The following ADCY8 variants were observed in gnomAD, a reference collection of about 807,000 sequenced individuals.
The protein encoded by ADCY8 is adenylate cyclase 8.
In ADCY8, 51 loss-of-function variants were observed where a neutral mutation model predicts 119.7. That is an observed-to-expected ratio of 0.43 (90% CI 0.34 to 0.54). The LOEUF (loss-of-function observed/expected upper bound fraction) is 0.54, where lower values mean the gene tolerates loss of function less well. ADCY8 is among the 20% of genes least tolerant of loss of function. The pLI is 0.03. For synonymous variants in ADCY8, 665 were observed against 651.0 expected (o/e 1.02, Z -0.33); for missense variants, 1,383 against 1,598.8 (o/e 0.87, Z 2.30).
chr8:130,945,299 G>A (rs1821075530), intron 3 of ADCY8, among the ~76,000 whole-genome samples: 1 of 152,228 alleles, frequency 6.6e-6, no homozygotes, highest in Admixed American at 6.5e-5. Context: ...TAGTGAATGG[G>A]ATTTAAGCAT....
intron 8 of ADCY8, among the ~76,000 whole-genome samples, chr8:130,879,752 T>G (rs1031295783): frequency 1.2e-4 from 18 of 152,202 alleles, no homozygotes; most frequent in Admixed American, 2.0e-4. Flanking sequence ...AATTACTGTG[T>G]AAGTGAATAT....
intron 5 of ADCY8, among the ~76,000 whole-genome samples, chr8:130,921,627 A>AT (rs1820311583): frequency 2.0e-5 from 3 of 151,386 alleles, no homozygotes; most frequent in Admixed American, 2.0e-4. Flanking sequence ...CTAATTTTGT[A>AT]TTTTTAGTAG....
intron 7 of ADCY8, among the ~76,000 whole-genome samples, chr8:130,896,644 T>A (rs2130502138): frequency 6.6e-6 from 1 of 152,288 alleles, no homozygotes; most frequent in Middle Eastern, 3.4e-3. Context: ...AATCATAAGT[T>A]ATGCTTAGAG....
intron 4 of ADCY8, among the ~76,000 whole-genome samples, chr8:130,938,451 C>T (rs1268080649): frequency 1.3e-5 from 2 of 152,096 alleles, no homozygotes; most frequent in Non-Finnish European, 2.9e-5. Flanking sequence ...TGAATGACCT[C>T]TGAGATGCCT....
chr8:130,912,800 C>A (rs1455199964), intron 5 of ADCY8, among the ~76,000 whole-genome samples: 1 of 151,886 alleles, frequency 6.6e-6, no homozygotes, highest in Non-Finnish European at 1.5e-5. Context: ...ACTTTAACTC[C>A]CAAGTTAAAA....
At chr8:130,930,830 T>G (rs1268125650) in intron 5 of ADCY8, among the ~76,000 whole-genome samples, 1 of 152,198 alleles carries the variant, frequency 6.6e-6, no homozygotes, top group Non-Finnish European at 1.5e-5. Flanking sequence ...ATTACAAAGA[T>G]ATAAGTAATT....
chr8:130,976,238 G>A (rs113188744), intron 2 of ADCY8, among the ~76,000 whole-genome samples: 1,979 of 152,242 alleles, frequency 0.013, 53 homozygotes, highest in African/African-American at 0.044. Context: ...TCATAACTGC[G>A]AACTTGCTAG....
chr8:131,014,304 G>C (rs752731643), intron 1 of ADCY8, among the ~76,000 whole-genome samples: 1 of 152,158 alleles, frequency 6.6e-6, no homozygotes, highest in Non-Finnish European at 1.5e-5. Context: ...TGTACATGGT[G>C]ATTATGAGTA....
rs147275210 is a variant in ADCY8 at position 130,798,641 on chromosome 8, T to C, written c.3060+1785A>G. Among the ~76,000 whole-genome samples, 465 of 152,238 alleles carry C rather than the reference T, an allele frequency of 3.1e-3. 1 individual carries two copies. Among genetic ancestry groups the C allele is most frequent in the Admixed American group, 8.0e-3 (123 of 15,288 alleles). ...ACAAAATTCTCCTGCCTTTGGTGAT[T>C]GCTAATGGTGAGATGCAGGCAGGGA... On this transcript the variant is annotated intron_variant, in intron 15 of 17. Coordinates refer to ENST00000286355, the MANE Select transcript of ADCY8 (RefSeq NM_001115.3).
At chr8:130,938,412 C>T (rs1478736536) in intron 4 of ADCY8, among the ~76,000 whole-genome samples, 2 of 152,140 alleles carry the variant, frequency 1.3e-5, no homozygotes, top group African/African-American at 2.4e-5. Flanking sequence ...GACATATCCT[C>T]TTGGTTTCCT....
intron 2 of ADCY8, 82 bp from the exon 3 acceptor site, chr8:130,952,080 G>A: frequency 2.0e-6 from 3 of 1,533,456 alleles, no homozygotes; most frequent in African/African-American, 1.4e-5. Flanking sequence ...GAAGTCATGG[G>A]GCTTTTGGAT....
At chr8:131,019,831 CTCTCTCTG>C (rs1823603143) in intron 1 of ADCY8, among the ~76,000 whole-genome samples, 1 of 100,502 alleles carries the variant, frequency 1.0e-5, no homozygotes, top group Non-Finnish European at 2.1e-5. Flanking sequence ...CTCTCTCTCT[CTCTCTCTG>C]TCTGTCTCTC....
intron 1 of ADCY8, among the ~76,000 whole-genome samples, chr8:131,011,071 C>T (rs553194282): frequency 2.6e-5 from 4 of 152,044 alleles, no homozygotes; most frequent in Admixed American, 2.6e-4. Context: ...AAGAGGTATA[C>T]CTTGGAAAAT....
chr8:130,825,695 A>G (rs1816649402), intron 12 of ADCY8, among the ~76,000 whole-genome samples: 1 of 152,254 alleles, frequency 6.6e-6, no homozygotes, highest in Non-Finnish European at 1.5e-5. Context: ...ATGGTCACTG[A>G]TGAGGCACTT....
rs559190173 is a variant in ADCY8 at position 130,813,519 on chromosome 8, G to A, written c.2913+550C>T. 1.2e-4 allele frequency among the ~76,000 whole-genome samples: 18 copies of A among 152,184 alleles called. 2 individuals carry two copies. In the South Asian group the frequency reaches 2.3e-3, roughly 19 times the overall value. ...TTGCGAATGGCCCATTTTACTTAGCGTAATGTATTCAAAATTCATCCATTG... is the reference window on the plus strand; with the variant it reads ...TTGCGAATGGCCCATTTTACTTAGCATAATGTATTCAAAATTCATCCATTG... On this transcript the variant is annotated intron_variant, in intron 14 of 17. Transcript: ENST00000286355.
chr8:130,898,835 C>T (rs996101724), intron 7 of ADCY8, among the ~76,000 whole-genome samples: 5 of 152,156 alleles, frequency 3.3e-5, no homozygotes, highest in African/African-American at 9.7e-5. Flanking sequence ...AAGTCTAAGA[C>T]GGATCTTTTT....
At chr8:131,034,090 T>C (rs564001325) in intron 1 of ADCY8, among the ~76,000 whole-genome samples, 1 of 152,234 alleles carries the variant, frequency 6.6e-6, no homozygotes, top group South Asian at 2.1e-4. Context: ...ATTCCAGTCA[T>C]ACTCATTTAA....
intron 11 of ADCY8, among the ~76,000 whole-genome samples, chr8:130,837,004 G>A (rs1474686417): frequency 6.6e-6 from 1 of 152,118 alleles, no homozygotes; most frequent in Non-Finnish European, 1.5e-5. Context: ...AAAGTGCTGG[G>A]ATTACAGGCA....
At chr8:130,978,660 A>G (rs964344396) in intron 2 of ADCY8, among the ~76,000 whole-genome samples, 3 of 150,990 alleles carry the variant, frequency 2.0e-5, no homozygotes, top group Non-Finnish European at 4.4e-5. Context: ...ATATAACTCT[A>G]AGACTAAGTT....
Sources: gnomAD v4.1 joint callset for allele counts (sites outside exome capture counted in the v4.1 genomes callset) on GRCh38, gnomAD v4.1.1 for gene constraint, MANE v1.5 for transcripts, NCBI Gene and HGNC (gene_info 2026-07-23, HGNC 2026-07-21) for gene names.